Variants in AGAP2 observed in about 807,000 individuals in gnomAD.
The protein encoded by AGAP2 is ArfGAP with GTPase domain, ankyrin repeat and PH domain 2.
A neutral mutation model predicts 110.9 loss-of-function variants in AGAP2; 32 were observed. The observed-to-expected ratio is 0.29, with a 90% CI of 0.22 to 0.39. AGAP2 has a LOEUF of 0.39. Ranked by LOEUF, AGAP2 falls within the 10% of genes least tolerant of loss-of-function variation. AGAP2 has a pLI of 1.00. For missense variants in AGAP2, 1,285 were observed against 1,638.5 expected (o/e 0.78, Z 3.72); for synonymous variants, 702 against 713.0 (o/e 0.98, Z 0.25).
At chr12:57,733,212 T>C (rs1421537016) in intron 5 of AGAP2, among the ~76,000 whole-genome samples, 1 of 151,934 alleles carries the variant, frequency 6.6e-6, no homozygotes. Context: ...TGTGTGTGTG[T>C]GTCCTCAAGG....
chr12:57,728,174 G>C (rs1954809984), intron 14 of AGAP2, 89 bp from the exon 15 acceptor site: 1 of 1,523,652 alleles, frequency 6.6e-7, no homozygotes, highest in Non-Finnish European at 8.9e-7. Context: ...TGTCCATCCC[G>C]AGCCCCTGGG....
intron 15 of AGAP2, 81 bp downstream of exon 15, chr12:57,727,856 T>C: frequency 1.3e-6 from 2 of 1,555,472 alleles, no homozygotes; most frequent in South Asian, 1.2e-5. Flanking sequence ...CTCACACGAC[T>C]TCGGCCGTGT....
In AGAP2 at chr12:57,737,644, G is replaced by C; in HGVS notation, c.603C>G (p.Gly201=). Residue 201 remains glycine, a synonymous_variant, in exon 1 of 19, where the codon GGC becomes GGG. Coordinates refer to ENST00000547588, the MANE Select transcript of AGAP2 (RefSeq NM_001122772.3). This position sits in a 1 kb window ranked among gnomAD's most constrained non-coding sequence, Gnocchi z 5.9. ...GGCGGCTACCCGCGCCCTTGCCCCCGCCGGCTTTGGCTCCACTCGTGGTCA... is the reference window on the plus strand; with the variant it reads ...GGCGGCTACCCGCGCCCTTGCCCCCCCCGGCTTTGGCTCCACTCGTGGTCA... ...KTVTTSGAKA[G]GGKGAGSRLS... is the part of the protein sequence containing the mutation. The C allele has an allele frequency of 6.5e-7, 1 of 1,547,178 alleles. No individual in the cohort carries two copies. The highest frequency in any genetic ancestry group is 8.7e-7 in the Non-Finnish European group (1 of 1,146,794).
chr12:57,728,502 G>A, intron 13 of AGAP2, 125 bp from the exon 14 acceptor site: 1 of 999,336 alleles, frequency 1.0e-6, no homozygotes, highest in African/African-American at 1.6e-5. Flanking sequence ...CAGAGTGCCA[G>A]AGACAAAGCA....
chr12:57,738,879 G>A (rs574870779), upstream of AGAP2, among the ~76,000 whole-genome samples: 625 of 152,062 alleles, frequency 4.1e-3, no homozygotes, highest in Non-Finnish European at 6.7e-3. This position sits in a 1 kb window ranked among gnomAD's most constrained non-coding sequence, Gnocchi z 6.7. Context: ...GGGGAGGGGC[G>A]TGAGATCCGG....
chr12:57,741,839 A>G, upstream of AGAP2: 1 of 1,532,508 alleles, frequency 6.5e-7, no homozygotes. Context: ...GAATTGATAT[A>G]TGATACAGCT....
upstream of AGAP2, among the ~76,000 whole-genome samples, chr12:57,739,315 CTT>C (rs1339597900): frequency 6.6e-6 from 1 of 152,130 alleles, no homozygotes; most frequent in African/African-American, 2.4e-5. Flanking sequence ...CCCAGGATCT[CTT>C]GTCTCCCCCA....
intron 2 of AGAP2, among the ~76,000 whole-genome samples, 161 bp downstream of exon 2, chr12:57,735,206 ACC>A (rs1241250327): frequency 6.6e-6 from 1 of 152,100 alleles, no homozygotes; most frequent in Non-Finnish European, 1.5e-5. Flanking sequence ...GCTGTAGCAA[ACC>A]CCATGTTGGT....
In AGAP2 at chr12:57,734,155, C is replaced by T; in HGVS notation, c.1420G>A (p.Ala474Thr). ...PDAKFSGWAD[A>T]VIFVFSLEDE... ...TCCAGGCTGAAGACGAAGATCACAG[C>T]ATCTGCCCAGCCTGAGAACTTGCGG... Residue 474 changes from alanine (A) to threonine (T), a missense_variant, in exon 5 of 19, where the codon GCT becomes ACT. Physicochemically the swap from Ala to Thr is moderately conservative, Grantham distance 58 (BLOSUM62 0). Transcript: ENST00000547588. 7 of 1,611,588 alleles carry T rather than the reference C, an allele frequency of 4.3e-6. No homozygotes were observed. Among genetic ancestry groups the T allele is most frequent in the Non-Finnish European group, 5.9e-6 (7 of 1,178,512 alleles).
chr12:57,735,935 C>T (rs1954972433), intron 1 of AGAP2, among the ~76,000 whole-genome samples: 1 of 152,166 alleles, frequency 6.6e-6, no homozygotes, highest in African/African-American at 2.4e-5. Flanking sequence ...GCACTGTAGC[C>T]CTGGACCCCT....
Position 57,738,288 on chromosome 12 carries a change from C to T in AGAP2, c.-42G>A. The T allele has an allele frequency of 6.9e-7, 1 of 1,452,910 alleles. No homozygotes were observed. The highest frequency in any genetic ancestry group is 9.0e-7 in the Non-Finnish European group (1 of 1,107,050). The allele number at this position is 1,452,910 out of a possible 1,614,324, so 90.0% of individuals were successfully genotyped here. ...CGAGCTGGGGAGGGGAGGGGACTCC[C>T]CCGGACTGCCTCAGGGGGGCCCGGC... On this transcript the variant is annotated 5_prime_UTR_variant, in exon 1 of 19. Transcript: ENST00000547588. The surrounding 1 kb of genome is among the most constrained non-coding windows in gnomAD (Gnocchi z 6.7).
chr12:57,737,626 A>G lies in AGAP2; in HGVS notation c.621T>C (p.Gly207=). 1 of 1,547,218 alleles carries G rather than the reference A, an allele frequency of 6.5e-7. No homozygotes were observed. Among genetic ancestry groups the G allele is most frequent in the East Asian group, 2.4e-5 (1 of 40,884 alleles). Residue 207 remains glycine, a synonymous_variant, in exon 1 of 19, where the codon GGT becomes GGC. Transcript: ENST00000547588. This position sits in a 1 kb window ranked among gnomAD's most constrained non-coding sequence, Gnocchi z 5.9. ...GAKAGGGKGA[G]SRLSWPESEG... ...CGCTTTCGGGCCATGACAGGCGGCT[A>G]CCCGCGCCCTTGCCCCCGCCGGCTT...
At chr12:57,735,260 C>T in intron 2 of AGAP2, 109 bp downstream of exon 2, 3 of 1,084,532 alleles carry the variant, frequency 2.8e-6, no homozygotes, top group Non-Finnish European at 4.1e-6. Context: ...AAACGATTCC[C>T]TATTCCCAAA....
intron 10 of AGAP2, 39 bp from the exon 11 acceptor site, chr12:57,730,992 G>A: frequency 6.8e-7 from 1 of 1,473,624 alleles, no homozygotes; most frequent in Non-Finnish European, 9.0e-7. Flanking sequence ...GGAAGGTTGG[G>A]GTCCTTGGTA....
At chr12:57,736,093 C>A (rs1954976435) in intron 1 of AGAP2, among the ~76,000 whole-genome samples, 1 of 152,200 alleles carries the variant, frequency 6.6e-6, no homozygotes, top group African/African-American at 2.4e-5. Context: ...ATGCTCCTTC[C>A]GCCAGCCAGG....
chr12:57,734,205 C>G lies in AGAP2; in HGVS notation c.1402-32G>C, dbSNP rs370594797. The stretch of plus-strand genomic sequence containing the variant: ...GGGAGTGAGGGAGCAAATGGAAAGT[C>G]AGACAGGTCTACTCCTCTGGACCCA... On this transcript the variant is annotated intron_variant, in intron 4 of 18. Coordinates refer to ENST00000547588, the MANE Select transcript of AGAP2 (RefSeq NM_001122772.3). 3 of 1,603,920 alleles carry G rather than the reference C, an allele frequency of 1.9e-6. No individual in the cohort carries two copies. In the African/African-American group the frequency reaches 4.0e-5, roughly 21 times the overall value.
intron 11 of AGAP2, 30 bp from the exon 12 acceptor site, chr12:57,730,644 C>A: frequency 1.2e-6 from 2 of 1,608,602 alleles, no homozygotes; most frequent in Non-Finnish European, 1.7e-6. Context: ...CCTCAGTGAG[C>A]CTCTTTCTTC....
upstream of AGAP2, among the ~76,000 whole-genome samples, chr12:57,740,599 T>A (rs1254529712): frequency 6.6e-6 from 1 of 152,166 alleles, no homozygotes; most frequent in African/African-American, 2.4e-5. Context: ...CTGCCTGGCC[T>A]AAACCGCTCT....
chr12:57,726,223 ACAAGCGGGCATGTC>A lies in AGAP2; in HGVS notation c.*315_*328del, dbSNP rs928456054. On this transcript the variant is annotated 3_prime_UTR_variant, in exon 19 of 19. Coordinates refer to ENST00000547588, the MANE Select transcript of AGAP2 (RefSeq NM_001122772.3). The surrounding 1 kb of genome is among the most constrained non-coding windows in gnomAD (Gnocchi z 5.7). ...GGTCTTCTTTCCGCCCCTAGGGGGC[ACAAGCGGGCATGTC>A]CAAGCGCCTAGGAGCCCGTACCGCT... is the stretch of plus-strand genomic sequence containing the variant. 1.1e-5 allele frequency: 2 copies of A among 175,236 alleles called. No individual in the cohort carries two copies. Among genetic ancestry groups the A allele is most frequent in the Non-Finnish European group, 2.4e-5 (2 of 82,772 alleles). The allele number at this position is 175,236 out of a possible 1,614,324, so 10.9% of individuals were successfully genotyped here.
Sources: allele counts gnomAD v4.1 joint callset (sites outside exome capture counted in the v4.1 genomes callset), GRCh38; gene constraint gnomAD v4.1.1; non-coding constraint Gnocchi (gnomAD v3.1); transcripts MANE v1.5; gene names NCBI Gene and HGNC (gene_info 2026-07-23, HGNC 2026-07-21).